The following ZBTB16 variants were observed in gnomAD, a reference collection of about 807,000 sequenced individuals.
ZBTB16 encodes zinc finger and BTB domain containing 16.
In ZBTB16, 8 loss-of-function variants were observed where a neutral mutation model predicts 56.8. That is an observed-to-expected ratio of 0.14 (90% confidence interval 0.08 to 0.25). The LOEUF (loss-of-function observed/expected upper bound fraction) is 0.25. Among genes scored for constraint, ZBTB16 ranks in the 10% least tolerant of loss-of-function variants. The probability of loss-of-function intolerance (pLI) is 1.00; values close to 1 mark genes in which losing one functional copy is unlikely to be tolerated. For synonymous variants in ZBTB16, 363 were observed against 368.5 expected (o/e 0.98, Z 0.17); for missense variants, 625 against 903.0 (o/e 0.69, Z 3.95).
At chr11:114,236,715 A>G (rs1944599377) in intron 4 of ZBTB16, among the ~76,000 whole-genome samples, 1 of 152,192 alleles carries the variant, frequency 6.6e-6, no homozygotes, top group Admixed American at 6.5e-5. Context: ...TGATTGTCTT[A>G]CAACCCCTTA....
intron 2 of ZBTB16, among the ~76,000 whole-genome samples, chr11:114,119,332 TTGTG>T (rs1162220339): frequency 6.8e-6 from 1 of 147,394 alleles, no homozygotes; most frequent in Admixed American, 6.8e-5. Context: ...GTATACGAGT[TTGTG>T]TGTGTGTGTG....
intron 2 of ZBTB16, among the ~76,000 whole-genome samples, chr11:114,148,402 T>G (rs1163996572): frequency 4.5e-5 from 1 of 22,280 alleles, no homozygotes; most frequent in Non-Finnish European, 8.4e-5. Context: ...CTTCCCTCCC[T>G]CCCTCCCTCC....
chr11:114,187,111 T>A (rs750339832), intron 4 of ZBTB16, 73 bp downstream of exon 4: 1 of 1,469,632 alleles, frequency 6.8e-7, no homozygotes, highest in Non-Finnish European at 9.5e-7. Context: ...ACTGTCTGGG[T>A]GGCAACCTCT....
In ZBTB16 at chr11:114,186,956, T is replaced by A; in HGVS notation, c.1371T>A (p.Gly457=). The A allele has an allele frequency of 6.2e-7, 1 of 1,613,932 alleles. No individual in the cohort carries two copies. The highest frequency in any genetic ancestry group is 8.5e-7 in the Non-Finnish European group (1 of 1,179,978). ...ACTGCCTCTCCTTTCTTTCAGCGGG[T>A]GCCAAAGCCTTTGTCTGTGATCAGT... ...LRMHLLAHSA[G]AKAFVCDQCG... Residue 457 remains glycine, a synonymous_variant, in exon 4 of 7, where the codon GGT becomes GGA. Transcript: ENST00000335953.
chr11:114,206,678 G>A (rs930144020), intron 4 of ZBTB16, among the ~76,000 whole-genome samples: 11 of 152,226 alleles, frequency 7.2e-5, no homozygotes, highest in African/African-American at 1.9e-4. Context: ...GGCTCAGCCC[G>A]CTTTCAGAAA....
At chr11:114,241,757 C>A (rs538187455) in intron 4 of ZBTB16, among the ~76,000 whole-genome samples, 6 of 152,278 alleles carry the variant, frequency 3.9e-5, no homozygotes, top group Non-Finnish European at 2.9e-5. Flanking sequence ...AGAACAATGG[C>A]TGGCCCATAG....
In ZBTB16 at chr11:114,059,960, G is replaced by T. The variant is rs940042929; in HGVS notation, c.-91+78G>T. 4.3e-4 allele frequency: 170 copies of T among 394,922 alleles called. No homozygotes were observed. The East Asian group carries it at 6.0e-3, about 14-fold the overall frequency. The allele number at this position is 394,922 out of a possible 1,614,324, so 24.5% of individuals were successfully genotyped here. A position where few individuals can be genotyped will look rare whatever the true frequency, so the allele number is the denominator to read the frequency against. The stretch of plus-strand genomic sequence containing the variant: ...GGCTTCCCGGGGCTGGAGAGGTCTG[G>T]GGGGCGCGCGCTCGCTTCGGCCACT... On this transcript the variant is annotated intron_variant, in intron 1 of 6. Transcript: ENST00000335953. The surrounding 1 kb of genome is among the most constrained non-coding windows in gnomAD (Gnocchi z 5.3).
chr11:114,081,321 C>A (rs902081792), intron 2 of ZBTB16, among the ~76,000 whole-genome samples: 21 of 152,126 alleles, frequency 1.4e-4, no homozygotes, highest in Non-Finnish European at 2.9e-5. Flanking sequence ...ACAGACAATG[C>A]CCTATGTTGG....
At chr11:114,182,332 G>A (rs942996757) in intron 3 of ZBTB16, among the ~76,000 whole-genome samples, 2 of 152,178 alleles carry the variant, frequency 1.3e-5, no homozygotes, top group Non-Finnish European at 2.9e-5. Context: ...TTACAGGCGT[G>A]AGCCATTGTG....
At chr11:114,089,989 G>C (rs1188068140) in intron 2 of ZBTB16, among the ~76,000 whole-genome samples, 1 of 152,230 alleles carries the variant, frequency 6.6e-6, no homozygotes, top group African/African-American at 2.4e-5. Context: ...GGCTGCTCTT[G>C]CTTGCTGCTG....
At chr11:114,129,692 G>A (rs185697159) in intron 2 of ZBTB16, among the ~76,000 whole-genome samples, 2 of 152,334 alleles carry the variant, frequency 1.3e-5, no homozygotes, top group East Asian at 3.9e-4. Context: ...AAAATAGTTA[G>A]CATTTTAAAT....
chr11:114,092,612 C>G (rs1373264428), intron 2 of ZBTB16, among the ~76,000 whole-genome samples: 2 of 152,158 alleles, frequency 1.3e-5, no homozygotes, highest in East Asian at 3.8e-4. Flanking sequence ...TTCCTTGTAG[C>G]TTTCATTTTT....
At position 114,253,458 on chromosome 11, in the gene ZBTB16, T is replaced by C. The variant is rs1168583031; in HGVS notation, c.*2903T>C. 6.6e-6 allele frequency among the ~76,000 whole-genome samples: 1 copy of C among 152,212 alleles called. No homozygotes were observed. The highest frequency in any genetic ancestry group is 1.5e-5 in the Non-Finnish European group (1 of 68,030). ...ACCAAAATATCCCTTTGTACATGTA[T>C]GTGCGTGTGCGCGTGTGCTTTGTGT... On this transcript the variant is annotated 3_prime_UTR_variant, in exon 7 of 7. Transcript: ENST00000335953.
chr11:114,062,592 G>A (rs1248020342), intron 1 of ZBTB16, among the ~76,000 whole-genome samples: 1 of 152,236 alleles, frequency 6.6e-6, no homozygotes, highest in Non-Finnish European at 1.5e-5. Flanking sequence ...GCAGCCCTGA[G>A]AACAGTAGAA....
At chr11:114,102,298 A>C (rs1940638946) in intron 2 of ZBTB16, among the ~76,000 whole-genome samples, 1 of 152,190 alleles carries the variant, frequency 6.6e-6, no homozygotes, top group Non-Finnish European at 1.5e-5. Context: ...GGTTGTTGGC[A>C]GCCAAGTTTG....
At chr11:114,119,067 C>G (rs1941260667) in intron 2 of ZBTB16, among the ~76,000 whole-genome samples, 1 of 151,820 alleles carries the variant, frequency 6.6e-6, no homozygotes, top group South Asian at 2.1e-4. Flanking sequence ...GAGTTTGAGA[C>G]CAGCCTGGTC....
At chr11:114,231,163 T>C in intron 4 of ZBTB16, among the ~76,000 whole-genome samples, 1 of 152,184 alleles carries the variant, frequency 6.6e-6, no homozygotes, top group Admixed American at 6.5e-5. Flanking sequence ...AACTTATTGT[T>C]CAGACAAGGA....
In ZBTB16 at chr11:114,254,723, T is replaced by A. The variant is rs1944971988; in HGVS notation, c.*4168T>A. ...TCTTTCCCCCTCCCATCATACCTCC[T>A]CCTTCCTGGAGCCTCTGCCGGCTTG... is the stretch of plus-strand genomic sequence containing the variant. On this transcript the variant is annotated 3_prime_UTR_variant, in exon 7 of 7. Transcript: ENST00000335953. Among the ~76,000 whole-genome samples, 2 of 152,192 alleles carry A rather than the reference T, an allele frequency of 1.3e-5. No individual in the cohort carries two copies. Among genetic ancestry groups the A allele is most frequent in the South Asian group, 4.1e-4 (2 of 4,828 alleles).
At chr11:114,152,390 A>G in intron 2 of ZBTB16, among the ~76,000 whole-genome samples, 1 of 152,244 alleles carries the variant, frequency 6.6e-6, no homozygotes, top group East Asian at 1.9e-4. Context: ...AGTGAGAAGG[A>G]ATGAATTCTT....
Sources: allele counts gnomAD v4.1 joint callset (sites outside exome capture counted in the v4.1 genomes callset), GRCh38; gene constraint gnomAD v4.1.1; non-coding constraint Gnocchi (gnomAD v3.1); transcripts MANE v1.5; gene names NCBI Gene and HGNC (gene_info 2026-07-23, HGNC 2026-07-21).